The following CDKAL1 variants were observed in gnomAD, a reference collection of about 807,000 sequenced individuals.
CDKAL1 encodes the protein CDKAL1 threonylcarbamoyladenosine tRNA methylthiotransferase.
A neutral mutation model predicts 68.2 loss-of-function variants in CDKAL1; 32 were observed. The ratio of observed to expected loss-of-function variants is 0.47; its 90% CI spans 0.35 to 0.63. The LOEUF (loss-of-function observed/expected upper bound fraction) is 0.63, where lower values mean the gene tolerates loss of function less well. CDKAL1 is among the 30% of genes least tolerant of loss of function. The pLI, the probability that CDKAL1 is intolerant of heterozygous loss-of-function variation, is 0.00. For synonymous variants in CDKAL1, 234 were observed against 244.3 expected (o/e 0.96, Z 0.39); for missense variants, 606 against 696.7 (o/e 0.87, Z 1.47).
At chr6:21,184,959 C>A (rs1777949907) in intron 13 of CDKAL1, among the ~76,000 whole-genome samples, 1 of 151,106 alleles carries the variant, frequency 6.6e-6, no homozygotes, top group Non-Finnish European at 1.5e-5. Context: ...AGCCACAGTA[C>A]CCAGCCTAAG....
chr6:20,709,245 G>C (rs979008521), intron 5 of CDKAL1, among the ~76,000 whole-genome samples: 4 of 152,150 alleles, frequency 2.6e-5, no homozygotes, highest in Admixed American at 6.6e-5. Context: ...GCTGGTATTT[G>C]AACCGTCTAA....
intron 9 of CDKAL1, among the ~76,000 whole-genome samples, chr6:20,897,810 A>C (rs2150591189): frequency 6.6e-6 from 1 of 152,284 alleles, no homozygotes; most frequent in South Asian, 2.1e-4. Flanking sequence ...TATTTCCTAC[A>C]GTGAACATGA....
chr6:20,646,963 T>C (rs7765784), intron 4 of CDKAL1, among the ~76,000 whole-genome samples: 35,123 of 152,076 alleles, frequency 0.23, 4,429 homozygotes, highest in African/African-American at 0.3. Flanking sequence ...CAGGCTGGTC[T>C]CGAACTCCTA....
At chr6:21,215,329 C>T (rs537636220) in intron 15 of CDKAL1, among the ~76,000 whole-genome samples, 1 of 152,334 alleles carries the variant, frequency 6.6e-6, no homozygotes, top group South Asian at 2.1e-4. Context: ...TGTTTGGTAG[C>T]ATCCTGTTGG....
chr6:20,765,041 A>G (rs12192328), intron 7 of CDKAL1, among the ~76,000 whole-genome samples: 15,938 of 152,012 alleles, frequency 0.1, 906 homozygotes, highest in African/African-American at 0.13. Flanking sequence ...GTTTTTTTCA[A>G]TGAGCCTGTT....
intron 9 of CDKAL1, among the ~76,000 whole-genome samples, chr6:20,903,706 G>A (rs1032025057): frequency 1.3e-5 from 2 of 152,124 alleles, no homozygotes; most frequent in Non-Finnish European, 2.9e-5. Flanking sequence ...AAGCCCATGT[G>A]CATTTGTATC....
chr6:21,003,303 T>G (rs2038066), intron 11 of CDKAL1, among the ~76,000 whole-genome samples: 2 of 133,768 alleles, frequency 1.5e-5, no homozygotes, highest in East Asian at 4.5e-4. Context: ...GTCAGGAGTT[T>G]AAGACCAGCC....
intron 9 of CDKAL1, among the ~76,000 whole-genome samples, chr6:20,952,631 G>A (rs1258549664): frequency 6.6e-6 from 1 of 152,254 alleles, no homozygotes; most frequent in Non-Finnish European, 1.5e-5. Flanking sequence ...CATAACTGAA[G>A]TCCTTAAGAA....
intron 9 of CDKAL1, among the ~76,000 whole-genome samples, chr6:20,936,183 T>C (rs9465937): frequency 0.14 from 21,232 of 151,462 alleles, 1,741 homozygotes; most frequent in African/African-American, 0.24. Context: ...TAAATTTATT[T>C]AACTTAAAGC....
intron 7 of CDKAL1, among the ~76,000 whole-genome samples, chr6:20,776,736 C>T (rs989738167): frequency 6.6e-6 from 1 of 152,170 alleles, no homozygotes; most frequent in East Asian, 1.9e-4. Context: ...TGTCAGTACT[C>T]TGGAAATCAA....
chr6:20,841,846 T>G (rs567874392), intron 8 of CDKAL1, among the ~76,000 whole-genome samples: 116 of 152,378 alleles, frequency 7.6e-4, no homozygotes, highest in African/African-American at 2.1e-3. Flanking sequence ...TTAGTCATTC[T>G]TGGTCTCTGG....
At chr6:20,733,590 G>T (rs2150316492) in intron 5 of CDKAL1, among the ~76,000 whole-genome samples, 1 of 152,278 alleles carries the variant, frequency 6.6e-6, no homozygotes, top group South Asian at 2.1e-4. Context: ...GTCCATTTGT[G>T]CAAATGAAGG....
intron 10 of CDKAL1, among the ~76,000 whole-genome samples, chr6:20,983,575 G>A (rs1363487536): frequency 6.6e-6 from 1 of 152,150 alleles, no homozygotes; most frequent in Non-Finnish European, 1.5e-5. Context: ...ACAAAAATTA[G>A]CCAGGCATAG....
intron 13 of CDKAL1, among the ~76,000 whole-genome samples, chr6:21,179,528 C>G (rs764836154): frequency 2.0e-5 from 3 of 151,968 alleles, no homozygotes; most frequent in Non-Finnish European, 4.4e-5. Flanking sequence ...CATATTTTTG[C>G]CTAGTAGCTT....
rs113974981 is a variant in CDKAL1 at position 20,540,458 on chromosome 6, C to CTT, written c.-6+5076_-6+5077dup. On this transcript the variant is annotated intron_variant, in intron 2 of 15. Transcript: ENST00000274695. ...ATCAGGAATTCTGTTTCGACTTTGACTTTTTTTTTTTTTGGGATGGTGCTT... is the reference window on the plus strand; with the variant it reads ...ATCAGGAATTCTGTTTCGACTTTGACTTTTTTTTTTTTTTTGGGATGGTGCTT... Among the ~76,000 whole-genome samples, 365 of 142,444 alleles carry CTT rather than the reference C, an allele frequency of 2.6e-3. 1 individual carries two copies. Among genetic ancestry groups the CTT allele is most frequent in the African/African-American group, 8.9e-3 (347 of 38,992 alleles). The allele number at this position is 142,444 out of a possible 152,430, so 93.4% of individuals were successfully genotyped here.
chr6:20,798,994 A>G, intron 8 of CDKAL1, among the ~76,000 whole-genome samples: 1 of 144,230 alleles, frequency 6.9e-6, no homozygotes, highest in East Asian at 2.1e-4. Flanking sequence ...AGTCATCTGG[A>G]CTGAGAGGAA....
intron 14 of CDKAL1, among the ~76,000 whole-genome samples, chr6:21,198,735 G>T (rs1450297977): frequency 6.6e-6 from 1 of 152,194 alleles, no homozygotes; most frequent in Non-Finnish European, 1.5e-5. Context: ...ATCCCTAGGG[G>T]CGCCCCCAAT....
Position 20,690,637 on chromosome 6 carries a change from A to AT in CDKAL1, c.371+41268dup, listed in dbSNP as rs1004170923. Reference sequence around the variant, plus strand: ...TTTCTTTGATTATAAACAAAATAGAATTTTTTTTATATTTTTTTGATTATT... The same window carrying AT: ...TTTCTTTGATTATAAACAAAATAGAATTTTTTTTTATATTTTTTTGATTATT... On this transcript the variant is annotated intron_variant, in intron 5 of 15. Coordinates refer to ENST00000274695, the MANE Select transcript of CDKAL1 (RefSeq NM_017774.3). 4.6e-5 allele frequency among the ~76,000 whole-genome samples: 7 copies of AT among 152,032 alleles called. No homozygotes were observed. The South Asian group carries it at 6.2e-4, about 14-fold the overall frequency.
At chr6:20,659,652 A>G (rs929012798) in intron 5 of CDKAL1, among the ~76,000 whole-genome samples, 2 of 152,058 alleles carry the variant, frequency 1.3e-5, no homozygotes, top group African/African-American at 4.8e-5. Context: ...TGATCTGTAT[A>G]TCTCCTTACA....
Sources: gnomAD v4.1 joint callset for allele counts (sites outside exome capture counted in the v4.1 genomes callset) on GRCh38, gnomAD v4.1.1 for gene constraint, MANE v1.5 for transcripts, NCBI Gene and HGNC (gene_info 2026-07-23, HGNC 2026-07-21) for gene names.